Variants in DENND1A observed in about 807,000 individuals in gnomAD.
DENND1A encodes DENN domain containing 1A.
In DENND1A, 51 loss-of-function variants were observed where a neutral mutation model predicts 113.7. The ratio of observed to expected loss-of-function variants is 0.45; its 90% confidence interval spans 0.36 to 0.57. The LOEUF (loss-of-function observed/expected upper bound fraction) is 0.57, where lower values mean the gene tolerates loss of function less well. Among genes scored for constraint, DENND1A ranks in the 20% least tolerant of loss-of-function variants. DENND1A has a pLI of 0.00. For synonymous variants in DENND1A, 565 were observed against 570.8 expected, an observed-to-expected ratio of 0.99 and a Z score of 0.14; for missense variants, 1,258 against 1,395.9, an observed-to-expected ratio of 0.90 and a Z score of 1.57.
intron 19 of DENND1A, among the ~76,000 whole-genome samples, chr9:123,423,193 T>TC (rs2131859016): frequency 6.6e-6 from 1 of 152,260 alleles, no homozygotes; most frequent in East Asian, 1.9e-4. Context: ...GACACTGACT[T>TC]CCCGAAAGCT....
intron 5 of DENND1A, among the ~76,000 whole-genome samples, chr9:123,700,551 G>A (rs1162387749): frequency 6.6e-6 from 1 of 152,202 alleles, no homozygotes; most frequent in Non-Finnish European, 1.5e-5. Context: ...GGGAACTCAG[G>A]AAGGATTTTT....
chr9:123,897,519 G>A (rs1271481796), intron 1 of DENND1A, among the ~76,000 whole-genome samples: 1 of 152,152 alleles, frequency 6.6e-6, no homozygotes, highest in South Asian at 2.1e-4. Flanking sequence ...GCGAAGCCCA[G>A]ACTACATACA....
intron 5 of DENND1A, chr9:123,751,847 T>A (rs963237684): frequency 1.3e-5 from 2 of 152,242 alleles, no homozygotes; most frequent in Non-Finnish European, 1.5e-5. Flanking sequence ...CTGGAACTCA[T>A]CAGCAACACT....
At chr9:123,711,591 T>TTAAAAATGCAA (rs1388060080) in intron 5 of DENND1A, among the ~76,000 whole-genome samples, 42 of 141,320 alleles carry the variant, frequency 3.0e-4, no homozygotes, top group African/African-American at 1.1e-3. Flanking sequence ...ACATCCTACC[T>TTAAAAATGCAA]ACTGCAAACC....
At chr9:123,553,979 A>G (rs965108956) in intron 13 of DENND1A, among the ~76,000 whole-genome samples, 2 of 152,172 alleles carry the variant, frequency 1.3e-5, no homozygotes, top group African/African-American at 2.4e-5. Context: ...GATGGTCTCA[A>G]TCTCTTGACC....
chr9:123,646,795 T>C (rs1012643973), intron 9 of DENND1A, among the ~76,000 whole-genome samples: 41 of 152,060 alleles, frequency 2.7e-4, no homozygotes, highest in African/African-American at 9.9e-4. Flanking sequence ...TATGGCAATG[T>C]CACGATAAAT....
chr9:123,920,871 C>T (rs762971866), intron 1 of DENND1A, among the ~76,000 whole-genome samples: 7 of 152,016 alleles, frequency 4.6e-5, no homozygotes, highest in Non-Finnish European at 1.0e-4. Context: ...CCGGGCCTGG[C>T]TGGGGACATA....
At position 123,774,589 on chromosome 9, in the gene DENND1A, G is replaced by A. The variant is rs562432543; in HGVS notation, c.133-5026C>T. Among the ~76,000 whole-genome samples, 14 of 152,010 alleles carry A rather than the reference G, an allele frequency of 9.2e-5. No homozygotes were observed. In the East Asian group the frequency reaches 2.3e-3, roughly 25 times the overall value. On this transcript the variant is annotated intron_variant, in intron 3 of 23. Coordinates refer to ENST00000394215, the MANE Select transcript of DENND1A (RefSeq NM_001352964.2). ...GTGGGAAAAAGAAGCCTGGAATAAG[G>A]GGTTTTACAGAAAGGCCTTTCAACA...
At chr9:123,446,992 G>A (rs2047355713) in intron 18 of DENND1A, among the ~76,000 whole-genome samples, 1 of 152,216 alleles carries the variant, frequency 6.6e-6, no homozygotes, top group Non-Finnish European at 1.5e-5. Flanking sequence ...GTTGCCTGCA[G>A]GTGAGGAGAA....
intron 11 of DENND1A, among the ~76,000 whole-genome samples, chr9:123,598,741 T>C (rs765302222): frequency 2.0e-5 from 3 of 152,178 alleles, no homozygotes; most frequent in African/African-American, 4.8e-5. Flanking sequence ...GTAGTGTGCA[T>C]ATGTACTTAT....
At chr9:123,403,356 C>T (rs1446527686) in intron 21 of DENND1A, 46 bp downstream of exon 21, 1 of 1,602,060 alleles carries the variant, frequency 6.2e-7, no homozygotes, top group South Asian at 1.1e-5. Flanking sequence ...GCTGGCTCCG[C>T]AGACACAGGG....
chr9:123,681,328 C>T (rs1156822786), intron 5 of DENND1A, among the ~76,000 whole-genome samples: 3 of 10,900 alleles, frequency 2.8e-4, no homozygotes, highest in African/African-American at 8.3e-4. Context: ...AAGTGGGGGT[C>T]GGGGGAGGGG....
At chr9:123,504,201 A>G (rs376010919) in intron 13 of DENND1A, among the ~76,000 whole-genome samples, 10 of 152,296 alleles carry the variant, frequency 6.6e-5, no homozygotes, top group African/African-American at 1.9e-4. Flanking sequence ...GCCCTTCGCC[A>G]TCTGGTGAAA....
At position 123,552,433 on chromosome 9, in the gene DENND1A, G is replaced by T. The variant is rs547939021; in HGVS notation, c.993+5137C>A. Among the ~76,000 whole-genome samples, 3 of 152,380 alleles carry T rather than the reference G, an allele frequency of 2.0e-5. No homozygotes were observed. In the South Asian group the frequency reaches 6.2e-4, roughly 32 times the overall value. On this transcript the variant is annotated intron_variant, in intron 13 of 23. Transcript: ENST00000394215. ...TAACTGCTCAGGGTCCAGGGAGGCA[G>T]AAGCAGAGCAGACAGGAGCCCGCTT...
rs376233242 is a variant in DENND1A, at chr9:123,381,709, G to T, written c.2936C>A (p.Pro979Gln). 3 of 1,545,062 alleles carry T rather than the reference G, an allele frequency of 1.9e-6. No homozygotes were observed. Among genetic ancestry groups the T allele is most frequent in the African/African-American group, 2.7e-5 (2 of 72,924 alleles). ...LQPLGPPAVA[P>Q]SRIRTLPLAR... ...CAGGGGCAACGTTCGGATCCTCGAC[G>T]GGGCAACTGCTGGGGGACCCAGCGG... The change falls in exon 24 of 24, where the codon CCG becomes CAG. Residue 979 changes from proline to glutamine, a missense_variant. By Grantham distance (76) the Pro-to-Gln change is moderately conservative. This residue lies in a region of DENND1A where 1,159 missense variants were observed against 1,231.7 expected (regional missense o/e 0.94). Coordinates refer to ENST00000394215, the MANE Select transcript of DENND1A (RefSeq NM_001352964.2). This position sits in a 1 kb window ranked among gnomAD's most constrained non-coding sequence, Gnocchi z 4.7.
chr9:123,884,997 G>GCGCGCACACACA (rs370719014), intron 1 of DENND1A, among the ~76,000 whole-genome samples: 12 of 145,948 alleles, frequency 8.2e-5, no homozygotes, highest in African/African-American at 3.0e-4. Context: ...GAGCGCGCGC[G>GCGCGCACACACA]CACACACACA....
At position 123,652,109 on chromosome 9, in the gene DENND1A, T is replaced by A; in HGVS notation, c.522A>T (p.Glu174Asp). 6.2e-7 allele frequency: 1 copy of A among 1,614,162 alleles called. No individual in the cohort carries two copies. Among genetic ancestry groups the A allele is most frequent in the Non-Finnish European group, 8.5e-7 (1 of 1,180,010 alleles). ...PSIPENRNLT[E>D]YFVAVDVNNM... ...TGTTAACATCCACAGCCACAAAATA[T>A]TCTGTCAGATTTCTCTAGGAGAAAG... The change falls in exon 9 of 24, where the codon GAA (glutamate) becomes GAT (aspartate). Residue 174 changes from glutamate (E) to aspartate (D), a missense_variant. Glu to Asp is a conservative substitution (Grantham distance 45). Coordinates refer to ENST00000394215, the MANE Select transcript of DENND1A (RefSeq NM_001352964.2).
At chr9:123,842,982 T>A in intron 2 of DENND1A, 1 of 395,558 alleles carries the variant, frequency 2.5e-6, no homozygotes, top group Non-Finnish European at 5.0e-6. Flanking sequence ...TAGGATGCAG[T>A]AGTTCCCCAA....
At chr9:123,755,750 C>T (rs2070486570) in intron 5 of DENND1A, among the ~76,000 whole-genome samples, 1 of 152,042 alleles carries the variant, frequency 6.6e-6, no homozygotes, top group Admixed American at 6.6e-5. Context: ...TTTTCTCTTC[C>T]TTATGATTTT....
Sources: allele counts gnomAD v4.1 joint callset (sites outside exome capture counted in the v4.1 genomes callset), GRCh38; gene constraint gnomAD v4.1.1; regional missense constraint gnomAD v4.1.1; non-coding constraint Gnocchi (gnomAD v3.1); transcripts MANE v1.5; gene names NCBI Gene and HGNC (gene_info 2026-07-23, HGNC 2026-07-21).